TENM2: variants seen among roughly 807,000 people sequenced by gnomAD.
TENM2 encodes the protein teneurin transmembrane protein 2.
In TENM2, 52 loss-of-function variants were observed where a neutral mutation model predicts 245.2. That is an observed-to-expected ratio of 0.21 (90% CI 0.17 to 0.27). The LOEUF (loss-of-function observed/expected upper bound fraction) is 0.27, where lower values mean the gene tolerates loss of function less well. TENM2 is among the 10% of genes least tolerant of loss of function. The pLI is 1.00. For synonymous variants in TENM2, 1,363 were observed against 1,438.9 expected (o/e 0.95, Z 1.19); for missense variants, 3,046 against 3,666.8 (o/e 0.83, Z 4.37).
At chr5:167,688,223 G>T (rs1204321857) in intron 2 of TENM2, among the ~76,000 whole-genome samples, 1 of 152,154 alleles carries the variant, frequency 6.6e-6, no homozygotes, top group Non-Finnish European at 1.5e-5. Context: ...GCTTCTCACT[G>T]TGTGTATTTT....
chr5:167,830,470 T>C (rs1768369334), intron 2 of TENM2, among the ~76,000 whole-genome samples: 2 of 152,204 alleles, frequency 1.3e-5, no homozygotes, highest in Non-Finnish European at 2.9e-5. Context: ...ATATTTAGTA[T>C]CTTGTAATTA....
chr5:168,206,673 T>C (rs1049524637), intron 19 of TENM2, among the ~76,000 whole-genome samples: 2 of 152,082 alleles, frequency 1.3e-5, no homozygotes, highest in Admixed American at 1.3e-4. Flanking sequence ...CCATATAGAT[T>C]CCCTTCCCAA....
At chr5:168,189,794 G>C (rs141648483) in intron 13 of TENM2, among the ~76,000 whole-genome samples, 1 of 152,046 alleles carries the variant, frequency 6.6e-6, no homozygotes, top group Admixed American at 6.5e-5. Flanking sequence ...TTCTAATAGA[G>C]ACAGGGTCTC....
chr5:167,672,041 T>C (rs1481211653), intron 2 of TENM2, among the ~76,000 whole-genome samples: 3 of 152,022 alleles, frequency 2.0e-5, no homozygotes, highest in African/African-American at 7.2e-5. Context: ...TAATGTAATA[T>C]ATGCATTCTT....
chr5:167,920,636 C>T (rs1049463665), intron 3 of TENM2, among the ~76,000 whole-genome samples: 1 of 152,108 alleles, frequency 6.6e-6, no homozygotes, highest in Non-Finnish European at 1.5e-5. Flanking sequence ...GTGTAGGACA[C>T]TTACATTCTC....
the TENM2 span, among the ~76,000 whole-genome samples, chr5:167,020,649 G>A: frequency 6.6e-6 from 1 of 152,162 alleles, no homozygotes; most frequent in Admixed American, 6.5e-5. Context: ...GGAGGTATAG[G>A]TTTTTATTGG....
intron 2 of TENM2, among the ~76,000 whole-genome samples, chr5:167,576,409 T>A (rs1449712317): frequency 1.3e-5 from 2 of 151,964 alleles, no homozygotes; most frequent in Admixed American, 6.6e-5. Flanking sequence ...CTCCCCAAAC[T>A]CTGCTGATAG....
the TENM2 span, among the ~76,000 whole-genome samples, chr5:167,184,354 A>G: frequency 6.6e-6 from 1 of 152,244 alleles, no homozygotes; most frequent in Non-Finnish European, 1.5e-5. Context: ...AGCAATAGTT[A>G]GCATTTATAG....
chr5:167,208,928 G>A, the TENM2 span, among the ~76,000 whole-genome samples: 2 of 152,156 alleles, frequency 1.3e-5, no homozygotes, highest in Non-Finnish European at 2.9e-5. Context: ...GTTACTCAGT[G>A]GAGATTTCTT....
At chr5:167,620,633 G>C (rs1280638873) in intron 2 of TENM2, among the ~76,000 whole-genome samples, 1 of 132,088 alleles carries the variant, frequency 7.6e-6, no homozygotes, top group Non-Finnish European at 1.6e-5. Context: ...TATCAATTCA[G>C]CTTTGCCTCA....
At chr5:167,347,498 G>C (rs1758540193) in intron 1 of TENM2, among the ~76,000 whole-genome samples, 2 of 152,166 alleles carry the variant, frequency 1.3e-5, no homozygotes, top group African/African-American at 4.8e-5. Context: ...CCAAGGAAAT[G>C]AAGTTAAAAT....
the TENM2 span, among the ~76,000 whole-genome samples, chr5:167,215,497 G>A: frequency 6.6e-6 from 1 of 152,158 alleles, no homozygotes; most frequent in African/African-American, 2.4e-5. Flanking sequence ...ACTGAAAGAG[G>A]CAGGGAGCTC....
intron 23 of TENM2, among the ~76,000 whole-genome samples, chr5:168,222,044 A>G (rs555643037): frequency 1.3e-5 from 2 of 152,346 alleles, no homozygotes; most frequent in Middle Eastern, 3.4e-3. Context: ...CTCAGAGTAT[A>G]GGCTAATGGG....
chr5:167,007,684 C>T, the TENM2 span, among the ~76,000 whole-genome samples: 951 of 139,766 alleles, frequency 6.8e-3, 8 homozygotes, highest in Non-Finnish European at 5.9e-3. The surrounding 1 kb of genome is among the most constrained non-coding windows in gnomAD (Gnocchi z 4.2). Flanking sequence ...GTCTAACAGG[C>T]CCCCCACTAC....
At chr5:167,859,678 A>G (rs1227018292) in intron 2 of TENM2, among the ~76,000 whole-genome samples, 12 of 91,786 alleles carry the variant, frequency 1.3e-4, no homozygotes, top group Non-Finnish European at 2.5e-4. Flanking sequence ...AGCCGCCCCT[A>G]CTGGGAAGTG....
At chr5:167,890,833 A>G (rs1439434432) in intron 3 of TENM2, among the ~76,000 whole-genome samples, 1 of 152,166 alleles carries the variant, frequency 6.6e-6, no homozygotes. Context: ...GTCATTAACA[A>G]TAATCTCCAT....
the TENM2 span, among the ~76,000 whole-genome samples, chr5:167,027,861 T>G: frequency 6.6e-6 from 1 of 151,970 alleles, no homozygotes; most frequent in African/African-American, 2.4e-5. Flanking sequence ...GGTGGATCAT[T>G]TGAGGTCAGG....
intron 5 of TENM2, among the ~76,000 whole-genome samples, chr5:167,998,417 A>G (rs984744808): frequency 4.6e-5 from 7 of 152,188 alleles, no homozygotes; most frequent in Non-Finnish European, 1.0e-4. Context: ...CCCCACATCA[A>G]GGAAGAAAGA....
At chr5:167,505,379 A>G (rs1769475652) in intron 2 of TENM2, among the ~76,000 whole-genome samples, 1 of 152,204 alleles carries the variant, frequency 6.6e-6, no homozygotes, top group Non-Finnish European at 1.5e-5. Flanking sequence ...ACACAAGAGC[A>G]GAAGAATGTG....
Sources: gnomAD v4.1 joint callset for allele counts (sites outside exome capture counted in the v4.1 genomes callset) on GRCh38, gnomAD v4.1.1 for gene constraint, Gnocchi (gnomAD v3.1) non-coding constraint, MANE v1.5 for transcripts, NCBI Gene and HGNC (gene_info 2026-07-23, HGNC 2026-07-21) for gene names.